PRTN3: variants seen among roughly 807,000 people sequenced by gnomAD.
PRTN3 encodes proteinase 3, also known as myeloblastin.
In PRTN3, 22 loss-of-function variants were observed where a neutral mutation model predicts 20.7. The observed-to-expected ratio is 1.06, with a 90% CI of 0.76 to 1.52. PRTN3 has a LOEUF of 1.52. Ranked by LOEUF, PRTN3 falls within the 40% of genes most tolerant of loss-of-function variation. PRTN3 has a pLI of 0.00. For synonymous variants in PRTN3, 173 were observed against 152.9 expected, an observed-to-expected ratio of 1.13 and a Z score of -0.97; for missense variants, 378 against 359.6, an observed-to-expected ratio of 1.05 and a Z score of -0.41.
chr19:846,990 T>A (rs2035525576), intron 4 of PRTN3, among the ~76,000 whole-genome samples: 1 of 152,054 alleles, frequency 6.6e-6, no homozygotes. Flanking sequence ...AAGTGATGCC[T>A]GGCTGGTGCT....
At chr19:843,423 C>G in intron 1 of PRTN3, 38 bp from the exon 2 acceptor site, 1 of 1,513,526 alleles carries the variant, frequency 6.6e-7, no homozygotes, top group Non-Finnish European at 8.8e-7. Context: ...TTCCCTGCAG[C>G]CTGGGGGCTC....
Position 847,784 on chromosome 19 carries a change from G to A in PRTN3, c.601-15G>A, listed in dbSNP as rs375247100. On this transcript the variant is annotated splice_polypyrimidine_tract_variant and intron_variant, in intron 4 of 4. Transcript: ENST00000234347. ...GGTGGCCCCTGATGGGTGACTGGCC[G>A]TCCCTGTCCTCCAGGGAGACTCAGG... 7.2e-5 allele frequency: 116 copies of A among 1,600,558 alleles called. No individual in the cohort carries two copies. Among genetic ancestry groups the A allele is most frequent in the South Asian group, 4.6e-4 (41 of 89,136 alleles).
chr19:843,379 G>A (rs963600537), intron 1 of PRTN3, 82 bp from the exon 2 acceptor site: 7 of 1,392,176 alleles, frequency 5.0e-6, no homozygotes, highest in Non-Finnish European at 6.6e-6. Context: ...ACGGAGGCTC[G>A]GAGAGGCCCA....
intron 1 of PRTN3, among the ~76,000 whole-genome samples, chr19:842,534 C>G (rs923298466): frequency 1.4e-5 from 2 of 144,336 alleles, no homozygotes; most frequent in African/African-American, 5.2e-5. Context: ...ATTCTCCTGC[C>G]TCAGCCTCCC....
At chr19:842,153 G>A (rs896550380) in intron 1 of PRTN3, among the ~76,000 whole-genome samples, 4 of 151,618 alleles carry the variant, frequency 2.6e-5, no homozygotes, top group Admixed American at 2.0e-4. Context: ...CGCCTCTTGA[G>A]TAGCTGGGAT....
chr19:847,647 C>T, intron 4 of PRTN3, 152 bp from the exon 5 acceptor site: 1 of 801,756 alleles, frequency 1.2e-6, no homozygotes, highest in South Asian at 2.1e-5. Context: ...TACCCCAGCC[C>T]CCTTCCTGGC....
At chr19:845,714 C>CAA (rs35429597) in intron 3 of PRTN3, among the ~76,000 whole-genome samples, 2 of 127,026 alleles carry the variant, frequency 1.6e-5, no homozygotes, top group South Asian at 2.6e-4. Context: ...AACTCCATCT[C>CAA]AAAAAAAAAA....
At chr19:847,753 G>A (rs1303330596) in intron 4 of PRTN3, 46 bp from the exon 5 acceptor site, 12 of 1,563,758 alleles carry the variant, frequency 7.7e-6, no homozygotes, top group Non-Finnish European at 1.0e-5. Context: ...CCTCCAGGGA[G>A]ACTCAGGTGG....
chr19:847,005 C>T (rs2035525776), intron 4 of PRTN3, among the ~76,000 whole-genome samples: 1 of 152,026 alleles, frequency 6.6e-6, no homozygotes, highest in Admixed American at 6.6e-5. Flanking sequence ...GGTGCTCACA[C>T]ATTTTAAAGA....
chr19:846,908 A>T (rs771337376), intron 4 of PRTN3, among the ~76,000 whole-genome samples: 3 of 151,980 alleles, frequency 2.0e-5, no homozygotes, highest in African/African-American at 7.3e-5. Flanking sequence ...GTGCCTGGCT[A>T]ATTTTTTTGG....
intron 4 of PRTN3, 83 bp from the exon 5 acceptor site, chr19:847,716 C>T: frequency 6.7e-7 from 1 of 1,482,692 alleles, no homozygotes; most frequent in Non-Finnish European, 9.1e-7. Flanking sequence ...CTCAGGTGGC[C>T]CCTGATGGGT....
chr19:847,848 A>G lies in PRTN3; in HGVS notation c.650A>G (p.Asp217Gly). 6.2e-7 allele frequency: 1 copy of G among 1,608,890 alleles called. No individual in the cohort carries two copies. The highest frequency in any genetic ancestry group is 1.7e-5 in the Admixed American group (1 of 59,476). The change falls in exon 5 of 5, where the codon GAC (aspartate) becomes GGC (glycine). Residue 217 changes from aspartate (D) to glycine (G), a missense_variant. Asp to Gly is a moderately conservative substitution (Grantham distance 94). Coordinates refer to ENST00000234347, the MANE Select transcript of PRTN3 (RefSeq NM_002777.4). ...LICDGIIQGIDSFVIWGCATR... is the reference protein window; with the variant it reads ...LICDGIIQGIGSFVIWGCATR... Reference sequence around the variant, plus strand: ...TGTGATGGCATCATCCAAGGAATAGACTCCTTCGTGATCTGGGGATGTGCC... The same window carrying G: ...TGTGATGGCATCATCCAAGGAATAGGCTCCTTCGTGATCTGGGGATGTGCC...
rs750363958 is a variant in PRTN3 at position 843,528 on chromosome 19, C to T, written c.129C>T (p.Ala43=). ...EAQPHSRPYM[A]SLQMRGNPGS... is the part of the protein sequence containing the mutation. ...AGCCACACTCCCGGCCCTACATGGCCTCCCTGCAGATGCGGGGGAACCCGG... is the reference window on the plus strand; with the variant it reads ...AGCCACACTCCCGGCCCTACATGGCTTCCCTGCAGATGCGGGGGAACCCGG... Residue 43 remains alanine, a synonymous_variant, in exon 2 of 5, where the codon GCC becomes GCT. Transcript: ENST00000234347. 42 of 1,594,686 alleles carry T rather than the reference C, an allele frequency of 2.6e-5. No homozygotes were observed. The highest frequency in any genetic ancestry group is 3.4e-5 in the Non-Finnish European group (40 of 1,173,450).
intron 1 of PRTN3, among the ~76,000 whole-genome samples, chr19:842,276 C>T (rs1214398519): frequency 2.0e-5 from 3 of 150,338 alleles, no homozygotes; most frequent in African/African-American, 7.3e-5. Flanking sequence ...ATTTTCAATG[C>T]CTCAGTTTGT....
chr19:843,716 C>G, intron 2 of PRTN3, 90 bp downstream of exon 2: 1 of 1,476,792 alleles, frequency 6.8e-7, no homozygotes, highest in Non-Finnish European at 9.0e-7. Flanking sequence ...CGGGGAGGAC[C>G]CAGCTAAGCC....
chr19:843,567 C>A lies in PRTN3; in HGVS notation c.168C>A (p.Cys56Ter), dbSNP rs775826263. The change falls in exon 2 of 5, where the codon TGC becomes TGA. Residue 56 changes from cysteine (C) to a stop codon, truncating the protein, a stop_gained. Transcript: ENST00000234347. LOFTEE classifies it high-confidence loss of function. ...QMRGNPGSHF[C>*]GGTLIHPSFV... ...GGGGGAACCCGGGCAGCCACTTCTGCGGAGGCACCTTGATCCACCCCAGCT... is the reference window on the plus strand; with the variant it reads ...GGGGGAACCCGGGCAGCCACTTCTGAGGAGGCACCTTGATCCACCCCAGCT... 25 of 1,602,890 alleles carry A rather than the reference C, an allele frequency of 1.6e-5. No individual in the cohort carries two copies. The highest frequency in any genetic ancestry group is 2.5e-6 in the Non-Finnish European group (3 of 1,177,628).
At chr19:845,709 C>T (rs2035507063) in intron 3 of PRTN3, among the ~76,000 whole-genome samples, 2 of 119,290 alleles carry the variant, frequency 1.7e-5, no homozygotes, top group South Asian at 5.6e-4. Context: ...AGCGAAACTC[C>T]ATCTCAAAAA....
At position 847,963 on chromosome 19, in the gene PRTN3, C is replaced by T; in HGVS notation, c.765C>T (p.Arg255=). The T allele has an allele frequency of 6.3e-7, 1 of 1,599,510 alleles. No homozygotes were observed. Among genetic ancestry groups the T allele is most frequent in the Non-Finnish European group, 8.5e-7 (1 of 1,173,516 alleles). Residue 255 remains arginine, a synonymous_variant, in exon 5 of 5, where the codon CGC becomes CGT. Coordinates refer to ENST00000234347, the MANE Select transcript of PRTN3 (RefSeq NM_002777.4). Reference sequence around the variant, plus strand: ...TGCGCCGTGTGGAGGCCAAGGGCCGCCCCTGAACCGCCCCTCCCACAGCGC... The same window carrying T: ...TGCGCCGTGTGGAGGCCAAGGGCCGTCCCTGAACCGCCCCTCCCACAGCGC... ...STLRRVEAKG[R]P
chr19:842,288 C>T (rs1232481657), intron 1 of PRTN3, among the ~76,000 whole-genome samples: 3 of 145,518 alleles, frequency 2.1e-5, no homozygotes, highest in East Asian at 2.0e-4. Flanking sequence ...TCAGTTTGTT[C>T]ATCTGCAAAA....
Sources: gnomAD v4.1 joint callset for allele counts (sites outside exome capture counted in the v4.1 genomes callset) on GRCh38, gnomAD v4.1.1 for gene constraint, MANE v1.5 for transcripts, NCBI Gene and HGNC (gene_info 2026-07-23, HGNC 2026-07-21) for gene names.